SUCLG2: variants seen among roughly 807,000 people sequenced by gnomAD.
SUCLG2 encodes succinate--CoA ligase [GDP-forming] subunit beta, mitochondrial.
Under a neutral mutation model 47.9 loss-of-function variants are expected in SUCLG2, and 42 were observed. The observed-to-expected ratio is 0.88, with a 90% confidence interval of 0.69 to 1.14. The LOEUF is 1.14. Ranked by LOEUF, SUCLG2 falls within the 50% of genes most tolerant of loss-of-function variation. SUCLG2 has a pLI of 0.00. For missense variants in SUCLG2, 571 were observed against 525.9 expected (o/e 1.09, Z -0.84); for synonymous variants, 195 against 197.3 (o/e 0.99, Z 0.10).
intron 1 of SUCLG2, among the ~76,000 whole-genome samples, chr3:67,629,164 T>C (rs1028603157): frequency 2.6e-5 from 4 of 152,246 alleles, no homozygotes; most frequent in African/African-American, 9.6e-5. Context: ...TGTGGTGTTT[T>C]CTGACACCAA....
chr3:67,439,474 T>C (rs1015886051), intron 9 of SUCLG2, among the ~76,000 whole-genome samples: 5 of 152,184 alleles, frequency 3.3e-5, no homozygotes, highest in African/African-American at 1.2e-4. Context: ...TGATTGTATA[T>C]TTAGAAAACC....
At chr3:67,482,110 G>A (rs1282766575) in intron 9 of SUCLG2, among the ~76,000 whole-genome samples, 2 of 152,190 alleles carry the variant, frequency 1.3e-5, no homozygotes, top group African/African-American at 2.4e-5. Flanking sequence ...AACCTGGGAG[G>A]TGGAGGTTGC....
intron 2 of SUCLG2, among the ~76,000 whole-genome samples, chr3:67,537,144 T>G (rs1312663075): frequency 1.3e-5 from 2 of 152,252 alleles, no homozygotes; most frequent in East Asian, 3.9e-4. Context: ...GCTGCACCCA[T>G]CAACCAGTCA....
intron 9 of SUCLG2, among the ~76,000 whole-genome samples, chr3:67,476,142 C>T (rs772963295): frequency 4.6e-5 from 7 of 151,946 alleles, no homozygotes; most frequent in Non-Finnish European, 8.8e-5. Context: ...GAGTCAGGTG[C>T]ACATTCATGT....
chr3:67,608,158 A>T (rs1451945980), intron 2 of SUCLG2, among the ~76,000 whole-genome samples: 2 of 152,236 alleles, frequency 1.3e-5, no homozygotes, highest in Non-Finnish European at 2.9e-5. Flanking sequence ...CTTTAAAGTC[A>T]TGCCCTTGTC....
chr3:67,517,313 G>C (rs76112065), intron 6 of SUCLG2, among the ~76,000 whole-genome samples: 8,304 of 152,220 alleles, frequency 0.055, 320 homozygotes, highest in East Asian at 0.17. Flanking sequence ...AAAAAGACAA[G>C]ACAGAAAGAA....
At position 67,508,848 on chromosome 3, in the gene SUCLG2, T is replaced by C. The variant is rs143813883; in HGVS notation, c.716A>G (p.Gln239Arg). 5 of 1,612,448 alleles carry C rather than the reference T, an allele frequency of 3.1e-6. No homozygotes were observed. The highest frequency in any genetic ancestry group is 1.7e-5 in the Admixed American group (1 of 59,924). ...YNLFLKIDAT[Q>R]VEVNPFGETP... ...TTCACCAAAGGGATTCACTTCCACC[T>C]GAGTAGCATCAATTTTCAGGAAGAG... The change falls in exon 7 of 11, where the codon CAG (glutamine) becomes CGG (arginine). Residue 239 changes from glutamine to arginine, a missense_variant. Transcript: ENST00000307227.
intron 9 of SUCLG2, among the ~76,000 whole-genome samples, chr3:67,462,067 C>T (rs1704350906): frequency 6.6e-6 from 1 of 151,908 alleles, no homozygotes; most frequent in African/African-American, 2.4e-5. Flanking sequence ...ATGTTTTTGT[C>T]CACAGTTCCT....
At chr3:67,475,983 TTCTCCCTCTC>T (rs1312905287) in intron 9 of SUCLG2, among the ~76,000 whole-genome samples, 2 of 138,880 alleles carry the variant, frequency 1.4e-5, no homozygotes, top group African/African-American at 5.5e-5. Flanking sequence ...TTCCCTTTCC[TTCTCCCTCTC>T]TCTCTCTCTC....
At chr3:67,501,529 T>G (rs534682706) in intron 7 of SUCLG2, among the ~76,000 whole-genome samples, 2 of 152,146 alleles carry the variant, frequency 1.3e-5, no homozygotes, top group Non-Finnish European at 2.9e-5. Context: ...TGATTCCTGA[T>G]GCAGAGCTCC....
At chr3:67,402,982 C>CAG (rs1702721192) in intron 9 of SUCLG2, among the ~76,000 whole-genome samples, 2 of 152,308 alleles carry the variant, frequency 1.3e-5, no homozygotes, top group South Asian at 4.1e-4. Context: ...TGATTCAATT[C>CAG]TACTTAGTGG....
chr3:67,384,368 C>T (rs1702217942), intron 10 of SUCLG2, among the ~76,000 whole-genome samples: 1 of 152,160 alleles, frequency 6.6e-6, no homozygotes, highest in African/African-American at 2.4e-5. Context: ...GCTCACGGAC[C>T]AAATCTGTTC....
intron 2 of SUCLG2, among the ~76,000 whole-genome samples, chr3:67,548,303 A>G (rs1285143472): frequency 6.6e-6 from 1 of 152,184 alleles, no homozygotes. Context: ...AAAATTTCCA[A>G]TCACATAGAA....
chr3:67,504,743 A>G (rs929646848), intron 7 of SUCLG2, among the ~76,000 whole-genome samples: 2 of 152,180 alleles, frequency 1.3e-5, no homozygotes, highest in African/African-American at 4.8e-5. Flanking sequence ...CTTTAAAGAC[A>G]TCAGAAAAAG....
intron 10 of SUCLG2, among the ~76,000 whole-genome samples, chr3:67,390,962 G>C (rs1290449571): frequency 1.3e-5 from 2 of 152,032 alleles, no homozygotes; most frequent in Admixed American, 1.3e-4. Flanking sequence ...TGTTTCTCAG[G>C]TGTTCATTAT....
intron 10 of SUCLG2, among the ~76,000 whole-genome samples, chr3:67,391,991 G>C (rs1187223738): frequency 6.6e-6 from 1 of 152,118 alleles, no homozygotes; most frequent in African/African-American, 2.4e-5. Flanking sequence ...TTGGAGACGT[G>C]GCTCTTGGAG....
chr3:67,481,392 G>A (rs1704911578), intron 9 of SUCLG2, among the ~76,000 whole-genome samples: 1 of 152,212 alleles, frequency 6.6e-6, no homozygotes, highest in South Asian at 2.1e-4. Flanking sequence ...AAGTGAATGA[G>A]CACAGCTGTA....
Position 67,409,693 on chromosome 3 carries a change from C to T in SUCLG2, c.1063-8842G>A, listed in dbSNP as rs540749784. Among the ~76,000 whole-genome samples the T allele has an allele frequency of 4.6e-5, 7 of 151,946 alleles. No homozygotes were observed. The South Asian group carries it at 1.0e-3, about 23-fold the overall frequency. ...TTAATAACTTTTACAAAGAAAATATCAGGCAGTAAAGAAATCCAGTTCACA... is the reference window on the plus strand; with the variant it reads ...TTAATAACTTTTACAAAGAAAATATTAGGCAGTAAAGAAATCCAGTTCACA... On this transcript the variant is annotated intron_variant, in intron 9 of 10. Coordinates refer to ENST00000307227, the MANE Select transcript of SUCLG2 (RefSeq NM_003848.4).
At chr3:67,578,596 T>C (rs1397203904) in intron 2 of SUCLG2, among the ~76,000 whole-genome samples, 1 of 152,028 alleles carries the variant, frequency 6.6e-6, no homozygotes, top group Non-Finnish European at 1.5e-5. Flanking sequence ...AAATGGGATG[T>C]TGCCTAGGTG....
Sources: allele counts gnomAD v4.1 joint callset (sites outside exome capture counted in the v4.1 genomes callset), GRCh38; gene constraint gnomAD v4.1.1; transcripts MANE v1.5; gene names NCBI Gene and HGNC (gene_info 2026-07-23, HGNC 2026-07-21).